The following FERMT1 variants were observed in gnomAD, a reference collection of about 807,000 sequenced individuals.
The protein encoded by FERMT1 is FERM domain containing kindlin 1, also known as fermitin family homolog 1.
In FERMT1, 60 loss-of-function variants were observed where a neutral mutation model predicts 85.3. The observed-to-expected ratio is 0.70, with a 90% confidence interval of 0.57 to 0.87. FERMT1 has a LOEUF of 0.87. FERMT1 is among the 40% of genes least tolerant of loss of function. The pLI is 0.00. For synonymous variants in FERMT1, 275 were observed against 301.1 expected (o/e 0.91, Z 0.90); for missense variants, 701 against 818.9 (o/e 0.86, Z 1.76).
At chr20:6,119,891 C>A (rs1458167180) in intron 1 of FERMT1, among the ~76,000 whole-genome samples, 1 of 152,204 alleles carries the variant, frequency 6.6e-6, no homozygotes, top group Non-Finnish European at 1.5e-5. Flanking sequence ...CTATTGACTT[C>A]TTTTGACCTT....
rs564001521 is a variant in FERMT1 at position 6,116,231 on chromosome 20, T to C, written c.152-187A>G. Among the ~76,000 whole-genome samples, 4 of 151,984 alleles carry C rather than the reference T, an allele frequency of 2.6e-5. 1 individual carries two copies. In the South Asian group the frequency reaches 8.3e-4, roughly 32 times the overall value. ...CTTTCCAAAGTCTCCAGGGAAAAAA[T>C]AGGGACTGGGATGGCATTAGGCAAA... On this transcript the variant is annotated intron_variant, in intron 2 of 14. Transcript: ENST00000217289.
At chr20:6,105,302 G>C (rs1338071633) in intron 6 of FERMT1, among the ~76,000 whole-genome samples, 2 of 152,164 alleles carry the variant, frequency 1.3e-5, no homozygotes, top group Non-Finnish European at 2.9e-5. Context: ...TCAGAGCAGG[G>C]TTCTGATTCT....
intron 6 of FERMT1, among the ~76,000 whole-genome samples, chr20:6,107,117 AC>A (rs142401335): frequency 0.077 from 11,534 of 148,960 alleles, 1,001 homozygotes; most frequent in East Asian, 0.47. Flanking sequence ...AATCGCTTGA[AC>A]CCGGGAGGTG....
intron 13 of FERMT1, 98 bp downstream of exon 13, chr20:6,083,942 G>A (rs1982085246): frequency 2.2e-6 from 3 of 1,394,662 alleles, no homozygotes; most frequent in South Asian, 2.4e-5. Flanking sequence ...CAAATAAAAA[G>A]CATTCTATAT....
chr20:6,081,198 C>T (rs1032289733), intron 13 of FERMT1, among the ~76,000 whole-genome samples: 9 of 151,516 alleles, frequency 5.9e-5, no homozygotes, highest in Non-Finnish European at 8.8e-5. Context: ...ATCACATGAG[C>T]CCAGGAGTTT....
rs75911461 is a variant in FERMT1, at chr20:6,116,225, A to T, written c.152-181T>A. Among the ~76,000 whole-genome samples the T allele has an allele frequency of 0.077, 11,698 of 152,124 alleles. 1,014 individuals carry two copies. The highest frequency in any genetic ancestry group is 0.46 in the East Asian group (2,372 of 5,136). On this transcript the variant is annotated intron_variant, in intron 2 of 14. Coordinates refer to ENST00000217289, the MANE Select transcript of FERMT1 (RefSeq NM_017671.5). ...TGGCTTCTTTCCAAAGTCTCCAGGG[A>T]AAAAATAGGGACTGGGATGGCATTA... is the stretch of plus-strand genomic sequence containing the variant.
intron 5 of FERMT1, 62 bp downstream of exon 5, chr20:6,110,236 C>T (rs1982906393): frequency 1.5e-6 from 2 of 1,365,254 alleles, no homozygotes; most frequent in Non-Finnish European, 2.1e-6. Context: ...TGAAACGTGA[C>T]ATCCCATCTC....
At chr20:6,091,066 G>A (rs1982343477) in intron 9 of FERMT1, among the ~76,000 whole-genome samples, 1 of 151,394 alleles carries the variant, frequency 6.6e-6, no homozygotes, top group South Asian at 2.1e-4. Context: ...CGGAGGCTGA[G>A]GCACAAGGAT....
intron 11 of FERMT1, 29 bp downstream of exon 11, chr20:6,087,748 T>A (rs1355372886): frequency 8.1e-7 from 1 of 1,227,884 alleles, no homozygotes; most frequent in South Asian, 1.2e-5. Context: ...GGAGGTGAAG[T>A]GACTTAATAT....
At position 6,077,074 on chromosome 20, in the gene FERMT1, G is replaced by A. The variant is rs1981845553; in HGVS notation, c.*99C>T. The A allele has an allele frequency of 8.4e-7, 1 of 1,189,222 alleles. No individual in the cohort carries two copies. Among genetic ancestry groups the A allele is most frequent in the African/African-American group, 1.5e-5 (1 of 66,740 alleles). The allele number at this position is 1,189,222 out of a possible 1,614,324, so 73.7% of individuals were successfully genotyped here. A position where few individuals can be genotyped will look rare whatever the true frequency, so the allele number is the denominator to read the frequency against. On this transcript the variant is annotated 3_prime_UTR_variant, in exon 15 of 15. Coordinates refer to ENST00000217289, the MANE Select transcript of FERMT1 (RefSeq NM_017671.5). The stretch of plus-strand genomic sequence containing the variant: ...GACCAGCGGTGAATGTATGTTGTCT[G>A]TTAGTCCAGAATCTACATGCTGGGC...
At chr20:6,080,849 G>C (rs1568652703) in intron 13 of FERMT1, among the ~76,000 whole-genome samples, 1 of 152,190 alleles carries the variant, frequency 6.6e-6, no homozygotes, top group Non-Finnish European at 1.5e-5. Flanking sequence ...AGATATCCAA[G>C]GGTCACTGGA....
At chr20:6,101,160 C>T (rs1208219115) in intron 6 of FERMT1, among the ~76,000 whole-genome samples, 1 of 152,216 alleles carries the variant, frequency 6.6e-6, no homozygotes, top group Non-Finnish European at 1.5e-5. Flanking sequence ...GTGGGGATAT[C>T]AGCCCTTTCA....
chr20:6,077,360 G>A lies in FERMT1; in HGVS notation c.1861-14C>T, dbSNP rs1351038365. On this transcript the variant is annotated splice_polypyrimidine_tract_variant and intron_variant, in intron 14 of 14. Coordinates refer to ENST00000217289, the MANE Select transcript of FERMT1 (RefSeq NM_017671.5). The stretch of plus-strand genomic sequence containing the variant: ...CTCGATGACCACCTGGAAGAGGAAG[G>A]CACAGAGAAGCTTAAACTCTGACAA... 3 of 1,613,790 alleles carry A rather than the reference G, an allele frequency of 1.9e-6. No homozygotes were observed. The highest frequency in any genetic ancestry group is 2.5e-6 in the Non-Finnish European group (3 of 1,179,962).
chr20:6,110,221 G>T, intron 5 of FERMT1, 77 bp downstream of exon 5: 1 of 1,290,000 alleles, frequency 7.8e-7, no homozygotes. Flanking sequence ...CTACCAACTT[G>T]AAAATGAAAC....
At chr20:6,107,769 C>A in intron 5 of FERMT1, 135 bp from the exon 6 acceptor site, 2 of 569,062 alleles carry the variant, frequency 3.5e-6, no homozygotes, top group Non-Finnish European at 3.2e-6. Flanking sequence ...GATTGAGTAT[C>A]ACTAATTTGA....
In FERMT1 at chr20:6,076,482, G is replaced by A; in HGVS notation, c.*691C>T. On this transcript the variant is annotated 3_prime_UTR_variant, in exon 15 of 15. Transcript: ENST00000217289. ...CTGTAGGAATGGAATGGGGCTTGCA[G>A]GTGGCCCCAGAAATCTGAGGAGACC... is the stretch of plus-strand genomic sequence containing the variant. 1 of 516,778 alleles carries A rather than the reference G, an allele frequency of 1.9e-6. No individual in the cohort carries two copies. Among genetic ancestry groups the A allele is most frequent in the Non-Finnish European group, 3.9e-6 (1 of 259,122 alleles). The allele number at this position is 516,778 out of a possible 1,614,324, so 32.0% of individuals were successfully genotyped here. A position where few individuals can be genotyped will look rare whatever the true frequency, so the allele number is the denominator to read the frequency against.
rs1220025236 is a variant in FERMT1, at chr20:6,093,221, C to T, written c.1139+1718G>A. 3.9e-5 allele frequency among the ~76,000 whole-genome samples: 6 copies of T among 152,276 alleles called. No individual in the cohort carries two copies. In the East Asian group the frequency reaches 7.7e-4, roughly 20 times the overall value. On this transcript the variant is annotated intron_variant, in intron 9 of 14. Coordinates refer to ENST00000217289, the MANE Select transcript of FERMT1 (RefSeq NM_017671.5). ...CTTACCAGGAATAGAGTTCCACTCTCGAATCTCCCTCCCCTCTTCCCTCCT... is the reference window on the plus strand; with the variant it reads ...CTTACCAGGAATAGAGTTCCACTCTTGAATCTCCCTCCCCTCTTCCCTCCT...
chr20:6,104,043 G>A lies in FERMT1; in HGVS notation c.849+3489C>T, dbSNP rs1456405134. 2.0e-5 allele frequency among the ~76,000 whole-genome samples: 3 copies of A among 151,754 alleles called. No individual in the cohort carries two copies. Among genetic ancestry groups the A allele is most frequent in the Admixed American group, 1.3e-4 (2 of 15,230 alleles). On this transcript the variant is annotated intron_variant, in intron 6 of 14. Coordinates refer to ENST00000217289, the MANE Select transcript of FERMT1 (RefSeq NM_017671.5). This position sits in a 1 kb window ranked among gnomAD's most constrained non-coding sequence, Gnocchi z 4.2. ...ATGCCATCATGCCTGGCTAATTTTTGTATTTTTAGTAGAGATGGGGTTTCA... is the reference window on the plus strand; with the variant it reads ...ATGCCATCATGCCTGGCTAATTTTTATATTTTTAGTAGAGATGGGGTTTCA...
At chr20:6,102,679 G>GAAAAAAAAAAAAAAAAA (rs769578429) in intron 6 of FERMT1, among the ~76,000 whole-genome samples, 2 of 50,764 alleles carry the variant, frequency 3.9e-5, no homozygotes, top group African/African-American at 6.8e-5. Flanking sequence ...TGTGTCTCAA[G>GAAAAAAAAAAAAAAAAA]AAAAAAAAAA....
Sources: gnomAD v4.1 joint callset for allele counts (sites outside exome capture counted in the v4.1 genomes callset) on GRCh38, gnomAD v4.1.1 for gene constraint, Gnocchi (gnomAD v3.1) non-coding constraint, MANE v1.5 for transcripts, NCBI Gene and HGNC (gene_info 2026-07-23, HGNC 2026-07-21) for gene names.